Variants in DPY30 observed in about 807,000 individuals in gnomAD.
DPY30 encodes the protein protein dpy-30 homolog.
In DPY30, 6 loss-of-function variants were observed where a neutral mutation model predicts 16.2. The observed-to-expected ratio is 0.37, with a 90% CI of 0.20 to 0.73. DPY30 has a LOEUF of 0.73. DPY30 is among the 30% of genes least tolerant of loss of function. DPY30 has a pLI of 0.51. For synonymous variants in DPY30, 39 were observed against 38.8 expected, an observed-to-expected ratio of 1.00 and a Z score of -0.02; for missense variants, 73 against 113.1, an observed-to-expected ratio of 0.65 and a Z score of 1.61.
At chr2:32,020,713 G>A (rs1274182823), downstream of DPY30, among the ~76,000 whole-genome samples, 3 of 151,772 alleles carry the variant, frequency 2.0e-5, no homozygotes, top group African/African-American at 7.3e-5. Flanking sequence ...AATTAAATAG[G>A]GATAAATTTT....
chr2:32,028,163 T>A (rs1022941379), intron 4 of DPY30, among the ~76,000 whole-genome samples: 1 of 148,944 alleles, frequency 6.7e-6, no homozygotes, highest in Admixed American at 6.8e-5. Context: ...CAGGCTGGAG[T>A]GCAGTGGTGC....
downstream of DPY30, among the ~76,000 whole-genome samples, chr2:32,021,553 C>CT (rs1264918882): frequency 6.6e-6 from 1 of 151,410 alleles, no homozygotes; most frequent in African/African-American, 2.4e-5. Context: ...TGGCACACAC[C>CT]TGTAATCCCA....
chr2:32,018,717 C>T (rs1221012062), intron 5 of DPY30, among the ~76,000 whole-genome samples: 3 of 150,256 alleles, frequency 2.0e-5, no homozygotes, highest in Non-Finnish European at 3.0e-5. Context: ...GAGACTCCAT[C>T]TCAAAAAAAA....
At chr2:32,025,521 A>C (rs1675295537) in intron 4 of DPY30, among the ~76,000 whole-genome samples, 1 of 150,642 alleles carries the variant, frequency 6.6e-6, no homozygotes, top group African/African-American at 2.4e-5. Context: ...CTGGCACTTT[A>C]GAGGGCCAAG....
chr2:32,026,397 G>A (rs141580430), intron 4 of DPY30, among the ~76,000 whole-genome samples: 52 of 151,900 alleles, frequency 3.4e-4, no homozygotes, highest in African/African-American at 7.5e-4. Context: ...ATGACAGAGC[G>A]AGAACTTGTC....
intron 5 of DPY30, among the ~76,000 whole-genome samples, chr2:32,015,308 T>C (rs1165564695): frequency 6.6e-5 from 10 of 152,168 alleles, no homozygotes; most frequent in Admixed American, 6.6e-4. Context: ...TGATTTCAAC[T>C]AAAACTAGTG....
intron 4 of DPY30, among the ~76,000 whole-genome samples, chr2:32,027,010 T>C (rs866946738): frequency 6.7e-6 from 1 of 150,318 alleles, no homozygotes; most frequent in Non-Finnish European, 1.5e-5. Context: ...GCACGATGGC[T>C]CACACCTATA....
chr2:32,024,090 A>G lies in DPY30; in HGVS notation c.*94T>C. ...TCTGTTGTCCGGAAGGTTCTTATAC[A>G]TCCAAAAAGAGGGAATGATCATGGC... On this transcript the variant is annotated 3_prime_UTR_variant, in exon 5 of 5. Coordinates refer to ENST00000342166, the MANE Select transcript of DPY30 (RefSeq NM_001321209.2). 6.5e-7 allele frequency: 1 copy of G among 1,536,130 alleles called. No individual in the cohort carries two copies. The highest frequency in any genetic ancestry group is 8.7e-7 in the Non-Finnish European group (1 of 1,145,422).
chr2:32,012,220 A>G (rs17011740), intron 5 of DPY30, among the ~76,000 whole-genome samples: 18,991 of 151,670 alleles, frequency 0.13, 1,298 homozygotes, highest in Middle Eastern at 0.2. Context: ...GGGCCCAAGG[A>G]TTTTGTGCAG....
At chr2:32,030,064 C>CAAAAA (rs398042393) in intron 3 of DPY30, among the ~76,000 whole-genome samples, 1 of 102,700 alleles carries the variant, frequency 9.7e-6, no homozygotes, top group Non-Finnish European at 2.1e-5. Context: ...AGTGTGTTCC[C>CAAAAA]AAAAAAAAAA....
intron 5 of DPY30, among the ~76,000 whole-genome samples, chr2:32,015,726 C>T (rs1015036348): frequency 2.0e-5 from 3 of 151,726 alleles, no homozygotes; most frequent in East Asian, 1.9e-4. Context: ...TGTAGTACCG[C>T]GCCCTGTAGT....
At chr2:32,019,247 C>T (rs980625975), downstream of DPY30, among the ~76,000 whole-genome samples, 4 of 152,064 alleles carry the variant, frequency 2.6e-5, no homozygotes, top group Non-Finnish European at 5.9e-5. Flanking sequence ...CACGCCCCAC[C>T]GCACCCAGCT....
chr2:32,024,280 GT>G, intron 4 of DPY30, 24 bp from the exon 5 acceptor site: 1 of 1,512,578 alleles, frequency 6.6e-7, no homozygotes. Flanking sequence ...GAAATCCAAA[GT>G]TTAGAAATAT....
chr2:32,029,320 T>G (rs1017417565), intron 4 of DPY30, among the ~76,000 whole-genome samples: 12 of 152,114 alleles, frequency 7.9e-5, no homozygotes, highest in African/African-American at 2.9e-4. Context: ...TGTGGAGAGA[T>G]ACAGAAAAAT....
At chr2:32,023,559 T>G (rs1423371674), downstream of DPY30, 1 of 536,268 alleles carries the variant, frequency 1.9e-6, no homozygotes, top group Non-Finnish European at 3.5e-6. Flanking sequence ...TGCCTGAAAC[T>G]TAGTAGGAAT....
At chr2:32,029,885 A>T in intron 3 of DPY30, 149 bp from the exon 4 acceptor site, 1 of 784,206 alleles carries the variant, frequency 1.3e-6, no homozygotes, top group African/African-American at 1.7e-5. Flanking sequence ...CTCTGCCCAA[A>T]ATAAATTCAG....
At chr2:32,016,895 T>A (rs1350922706) in intron 5 of DPY30, among the ~76,000 whole-genome samples, 2 of 152,186 alleles carry the variant, frequency 1.3e-5, no homozygotes, top group Non-Finnish European at 2.9e-5. Context: ...TTGTTGTTGT[T>A]TTTTTGAGAC....
At chr2:32,017,487 G>A (rs574821922) in intron 5 of DPY30, among the ~76,000 whole-genome samples, 2 of 151,992 alleles carry the variant, frequency 1.3e-5, no homozygotes, top group South Asian at 4.1e-4. Context: ...CATGGTGGCA[G>A]GCATCTATAA....
intron 5 of DPY30, among the ~76,000 whole-genome samples, chr2:32,014,061 G>A (rs1675018747): frequency 6.6e-6 from 1 of 152,048 alleles, no homozygotes; most frequent in Non-Finnish European, 1.5e-5. Context: ...GAGGGAGGAA[G>A]GGAAGGGAAG....
Sources: allele counts gnomAD v4.1 joint callset (sites outside exome capture counted in the v4.1 genomes callset), GRCh38; gene constraint gnomAD v4.1.1; transcripts MANE v1.5; gene names NCBI Gene and HGNC (gene_info 2026-07-23, HGNC 2026-07-21).